The following COLEC12 variants were observed in gnomAD, a reference collection of about 807,000 sequenced individuals.
COLEC12 encodes collectin subfamily member 12, also known as collectin-12.
COLEC12 carries 33 observed loss-of-function variants against 71.1 expected under a neutral mutation model. The ratio of observed to expected loss-of-function variants is 0.46; its 90% CI spans 0.35 to 0.62. The LOEUF is 0.62. Among genes scored for constraint, COLEC12 ranks in the 20% least tolerant of loss-of-function variants. The pLI is 0.00. For synonymous variants in COLEC12, 350 were observed against 353.0 expected, an observed-to-expected ratio of 0.99 and a Z score of 0.10; for missense variants, 765 against 916.1, an observed-to-expected ratio of 0.84 and a Z score of 2.13.
intron 2 of COLEC12, among the ~76,000 whole-genome samples, chr18:406,481 A>G (rs1598353619): frequency 7.8e-6 from 1 of 127,456 alleles, no homozygotes; most frequent in African/African-American, 3.0e-5. Flanking sequence ...TGCAGTCCGC[A>G]GTCCGGCCTG....
At chr18:330,660 A>ACC (rs1459688998) in intron 8 of COLEC12, among the ~76,000 whole-genome samples, 3 of 151,830 alleles carry the variant, frequency 2.0e-5, no homozygotes, top group Admixed American at 6.6e-5. Flanking sequence ...AGGAGCTAAC[A>ACC]CCCCCTAGGG....
At chr18:483,747 T>C (rs1917468324) in intron 1 of COLEC12, among the ~76,000 whole-genome samples, 1 of 152,218 alleles carries the variant, frequency 6.6e-6, no homozygotes. Flanking sequence ...TAATCTGTCG[T>C]GTTAATGGCT....
chr18:452,971 A>G (rs1916792095), intron 2 of COLEC12, among the ~76,000 whole-genome samples: 1 of 152,242 alleles, frequency 6.6e-6, no homozygotes, highest in Admixed American at 6.5e-5. Context: ...AGTTGAAAGA[A>G]TGTAACCAAA....
intron 3 of COLEC12, among the ~76,000 whole-genome samples, chr18:350,839 A>C (rs1395447422): frequency 6.6e-6 from 1 of 151,688 alleles, no homozygotes; most frequent in Non-Finnish European, 1.5e-5. Flanking sequence ...GAGGCAGGAG[A>C]ATTGCTTGAA....
chr18:470,220 A>ATTTTT lies in COLEC12; in HGVS notation c.58+10482_58+10486dup, dbSNP rs71174234. 1.6e-3 allele frequency among the ~76,000 whole-genome samples: 152 copies of ATTTTT among 92,372 alleles called. 10 individuals are homozygous for ATTTTT. Among genetic ancestry groups the ATTTTT allele is most frequent in the African/African-American group, 4.1e-3 (94 of 22,832 alleles). The allele number at this position is 92,372 out of a possible 152,430, so 60.6% of individuals were successfully genotyped here. Reference sequence around the variant, plus strand: ...TAGGTGGATCACTTGAGGCCAGGAAATTTTTTTTTTTTTTTTTTTTTTTTT... The same window carrying ATTTTT: ...TAGGTGGATCACTTGAGGCCAGGAAATTTTTTTTTTTTTTTTTTTTTTTTTTTTTT... On this transcript the variant is annotated intron_variant, in intron 2 of 9. Coordinates refer to ENST00000400256, the MANE Select transcript of COLEC12 (RefSeq NM_130386.3).
chr18:368,792 G>A (rs934137597), intron 2 of COLEC12, among the ~76,000 whole-genome samples: 5 of 152,182 alleles, frequency 3.3e-5, no homozygotes, highest in African/African-American at 4.8e-5. Flanking sequence ...CGTGAACCCG[G>A]GAGGCGGAGC....
chr18:486,144 T>C (rs1445448767), intron 1 of COLEC12, among the ~76,000 whole-genome samples: 1 of 152,238 alleles, frequency 6.6e-6, no homozygotes, highest in East Asian at 1.9e-4. Flanking sequence ...ACCTGCTGTA[T>C]GCCAGCTATT....
chr18:396,765 C>T (rs942305050), intron 2 of COLEC12, among the ~76,000 whole-genome samples: 10 of 152,356 alleles, frequency 6.6e-5, no homozygotes, highest in African/African-American at 2.4e-4. Context: ...TAGGCCTTTT[C>T]TTTCCAGAAA....
At chr18:424,122 C>G (rs578231141) in intron 2 of COLEC12, 25 of 152,266 alleles carry the variant, frequency 1.6e-4, no homozygotes, top group African/African-American at 6.0e-4. Context: ...GGAATGAAAG[C>G]CCTGTTATAA....
intron 2 of COLEC12, among the ~76,000 whole-genome samples, chr18:424,986 A>AT (rs1364018331): frequency 6.6e-6 from 1 of 152,102 alleles, no homozygotes; most frequent in Non-Finnish European, 1.5e-5. Flanking sequence ...ACTCACAATA[A>AT]GCAAGGCAGG....
chr18:420,317 T>C lies in COLEC12; in HGVS notation c.58+60390A>G, dbSNP rs557620400. Among the ~76,000 whole-genome samples the C allele has an allele frequency of 1.2e-4, 19 of 152,294 alleles. 1 individual carries two copies. The South Asian group carries it at 3.1e-3, about 25-fold the overall frequency. On this transcript the variant is annotated intron_variant, in intron 2 of 9. Transcript: ENST00000400256. ...CTAAAATGAAATTTCAGCCCCAACATTGCTCCAGTCTCAGAACAGGAAAAA... is the reference window on the plus strand; with the variant it reads ...CTAAAATGAAATTTCAGCCCCAACACTGCTCCAGTCTCAGAACAGGAAAAA...
chr18:348,109 T>C lies in COLEC12; in HGVS notation c.236A>G (p.Tyr79Cys). 6 of 1,614,094 alleles carry C rather than the reference T, an allele frequency of 3.7e-6. No homozygotes were observed. Among genetic ancestry groups the C allele is most frequent in the Non-Finnish European group, 5.1e-6 (6 of 1,179,960 alleles). The change falls in exon 4 of 10, where the codon TAT becomes TGT. Residue 79 changes from tyrosine to cysteine, a missense_variant. Transcript: ENST00000400256. The part of the protein sequence containing the change: ...TGGMETSRQT[Y>C]DDKLTAVESD... ...TTCCACTGCTGTGAGCTTGTCATCA[T>C]AGGTTTGGCGAGATGTTTCCATGCC... is the stretch of plus-strand genomic sequence containing the variant.
chr18:454,154 AG>A (rs1916817678), intron 2 of COLEC12, among the ~76,000 whole-genome samples: 1 of 116,276 alleles, frequency 8.6e-6, no homozygotes, highest in African/African-American at 3.2e-5. Flanking sequence ...AACATATTCT[AG>A]CCCTATTTCT....
chr18:484,476 G>C (rs1233105821), intron 1 of COLEC12, among the ~76,000 whole-genome samples: 2 of 152,110 alleles, frequency 1.3e-5, no homozygotes, highest in Non-Finnish European at 2.9e-5. Flanking sequence ...TCTAAAATTA[G>C]AGAGAAAATC....
At chr18:357,706 C>G (rs1222098436) in intron 2 of COLEC12, among the ~76,000 whole-genome samples, 184 bp from the exon 3 acceptor site, 7 of 152,200 alleles carry the variant, frequency 4.6e-5, no homozygotes, top group Non-Finnish European at 2.9e-5. Context: ...TATTACCATT[C>G]TATTGTTATA....
intron 1 of COLEC12, among the ~76,000 whole-genome samples, chr18:486,766 T>C (rs1454611196): frequency 1.3e-5 from 2 of 152,226 alleles, no homozygotes; most frequent in African/African-American, 4.8e-5. Flanking sequence ...ATAGGAGGAC[T>C]GTTGGAACAT....
intron 8 of COLEC12, among the ~76,000 whole-genome samples, chr18:322,059 T>C (rs1913719096): frequency 6.6e-6 from 1 of 152,194 alleles, no homozygotes; most frequent in African/African-American, 2.4e-5. Flanking sequence ...CTAGGCTGGT[T>C]CATCAGAATG....
At chr18:414,068 T>C (rs1021776789) in intron 2 of COLEC12, among the ~76,000 whole-genome samples, 12 of 152,222 alleles carry the variant, frequency 7.9e-5, no homozygotes, top group African/African-American at 2.9e-4. Context: ...ATCTTGACTT[T>C]GTCAGTGTCA....
chr18:461,954 A>T (rs1916991427), intron 2 of COLEC12, among the ~76,000 whole-genome samples: 1 of 152,344 alleles, frequency 6.6e-6, no homozygotes, highest in East Asian at 1.9e-4. Flanking sequence ...GATGGAAATG[A>T]ATGACGTCAT....
Sources: gnomAD v4.1 joint callset for allele counts (sites outside exome capture counted in the v4.1 genomes callset) on GRCh38, gnomAD v4.1.1 for gene constraint, MANE v1.5 for transcripts, NCBI Gene and HGNC (gene_info 2026-07-23, HGNC 2026-07-21) for gene names.